Variants in LRRC42 observed in about 807,000 individuals in gnomAD.
LRRC42 encodes leucine rich repeat containing 42.
Under a neutral mutation model 44.3 loss-of-function variants are expected in LRRC42, and 43 were observed. That is an observed-to-expected ratio of 0.97 (90% CI 0.76 to 1.25). The LOEUF (loss-of-function observed/expected upper bound fraction) is 1.25. Among genes scored for constraint, LRRC42 ranks in the 50% most tolerant of loss-of-function variants. LRRC42 has a pLI of 0.00. For missense variants in LRRC42, 540 were observed against 509.1 expected, an observed-to-expected ratio of 1.06 and a Z score of -0.58; for synonymous variants, 207 against 195.2, an observed-to-expected ratio of 1.06 and a Z score of -0.50.
At chr1:53,959,435 A>T (rs1043141853) in intron 4 of LRRC42, among the ~76,000 whole-genome samples, 3 of 152,182 alleles carry the variant, frequency 2.0e-5, no homozygotes, top group Non-Finnish European at 4.4e-5. Flanking sequence ...ACAGCATTAC[A>T]AACCTAGGTC....
chr1:53,949,295 A>G (rs928353940), intron 2 of LRRC42, among the ~76,000 whole-genome samples: 2 of 152,048 alleles, frequency 1.3e-5, no homozygotes, highest in African/African-American at 4.8e-5. Context: ...CCATTTGTCC[A>G]TTTTACAACA....
rs114437540 is a variant in LRRC42, at chr1:53,950,728, T to C, written c.-14-1258T>C. ...ATTTTTCATGTATTTTGAAATCTCA[T>C]GGTTACTCAGGAGGAAAACAAGTAT... On this transcript the variant is annotated intron_variant, in intron 2 of 8. Coordinates refer to ENST00000371370, the MANE Select transcript of LRRC42 (RefSeq NM_001256409.2). Among the ~76,000 whole-genome samples the C allele has an allele frequency of 9.3e-3, 1,422 of 152,336 alleles. 29 individuals are homozygous for C. The highest frequency in any genetic ancestry group is 0.033 in the African/African-American group (1,356 of 41,560).
In LRRC42 at chr1:53,967,780, A is replaced by G. The variant is rs1655167642; in HGVS notation, c.1128A>G (p.Pro376=). The change falls in exon 9 of 9, where the codon CCA becomes CCG. Residue 376 remains proline (P), a synonymous_variant. Coordinates refer to ENST00000371370, the MANE Select transcript of LRRC42 (RefSeq NM_001256409.2). ...AGAAAGCCCCAGATTGCCATGGGCCAGTGTTGAAACACGAAGCTATCTCAA... is the reference window on the plus strand; with the variant it reads ...AGAAAGCCCCAGATTGCCATGGGCCGGTGTTGAAACACGAAGCTATCTCAA... ...YKEKAPDCHG[P]VLKHEAISSQ... 5 of 1,614,240 alleles carry G rather than the reference A, an allele frequency of 3.1e-6. No individual in the cohort carries two copies. The highest frequency in any genetic ancestry group is 3.4e-6 in the Non-Finnish European group (4 of 1,180,038).
intron 3 of LRRC42, among the ~76,000 whole-genome samples, chr1:53,957,373 C>A (rs1472653904): frequency 6.6e-6 from 1 of 152,150 alleles, no homozygotes; most frequent in African/African-American, 2.4e-5. Context: ...TTTTTTCTCA[C>A]TGACCTCATC....
Position 53,950,923 on chromosome 1 carries a change from A to T in LRRC42, c.-14-1063A>T, listed in dbSNP as rs536012050. 1.0e-3 allele frequency among the ~76,000 whole-genome samples: 155 copies of T among 152,240 alleles called. 1 individual carries two copies. Among genetic ancestry groups the T allele is most frequent in the African/African-American group, 3.6e-3 (151 of 41,542 alleles). ...GTAATGGAGGTATTTATTTGTAGAT[A>T]AAAAAAATCCTGTTGCTTTTGGTCT... On this transcript the variant is annotated intron_variant, in intron 2 of 8. Transcript: ENST00000371370.
intron 3 of LRRC42, among the ~76,000 whole-genome samples, chr1:53,956,552 G>T (rs1404217796): frequency 6.6e-6 from 1 of 152,222 alleles, no homozygotes; most frequent in Non-Finnish European, 1.5e-5. Context: ...TAATTGGGCT[G>T]TTAGAATCCA....
intron 4 of LRRC42, among the ~76,000 whole-genome samples, chr1:53,958,765 T>C (rs1294122219): frequency 3.3e-5 from 5 of 152,100 alleles, no homozygotes; most frequent in Non-Finnish European, 2.9e-5. Context: ...TTTGTATTTT[T>C]AGTAGAGACG....
intron 7 of LRRC42, among the ~76,000 whole-genome samples, chr1:53,964,540 G>A (rs1049876032): frequency 6.6e-6 from 1 of 152,150 alleles, no homozygotes; most frequent in Non-Finnish European, 1.5e-5. Context: ...TTAGCGGAAG[G>A]AAGCACCATT....
chr1:53,955,907 C>T (rs942241483), intron 3 of LRRC42, among the ~76,000 whole-genome samples: 2 of 152,162 alleles, frequency 1.3e-5, no homozygotes, highest in South Asian at 2.1e-4. Flanking sequence ...GGATTACAGG[C>T]GTGAGCCACC....
chr1:53,952,356 C>T lies in LRRC42; in HGVS notation c.357C>T (p.Phe119=), dbSNP rs377697931. Residue 119 remains phenylalanine (F), a synonymous_variant, in exon 3 of 9, where the codon TTC becomes TTT. Transcript: ENST00000371370. ...CTGAGCAGATTGCTGAAAAGCTGTT[C>T]TCTGCTGCTGAAGCCAGACAGAAAT... ...GFPEQIAEKL[F]SAAEARQKFT... 5 of 1,614,016 alleles carry T rather than the reference C, an allele frequency of 3.1e-6. No homozygotes were observed. Among genetic ancestry groups the T allele is most frequent in the Admixed American group, 1.7e-5 (1 of 60,004 alleles).
At chr1:53,965,520 C>G (rs1303182357) in intron 7 of LRRC42, among the ~76,000 whole-genome samples, 1 of 150,498 alleles carries the variant, frequency 6.6e-6, no homozygotes, top group African/African-American at 2.5e-5. Flanking sequence ...CGCTCTGTCA[C>G]CTAGGCTGGA....
At chr1:53,947,056 G>T (rs1654506283) in intron 1 of LRRC42, among the ~76,000 whole-genome samples, 1 of 151,400 alleles carries the variant, frequency 6.6e-6, no homozygotes, top group Non-Finnish European at 1.5e-5. Flanking sequence ...CTAGGAGAGG[G>T]AAGCCCCTAG....
chr1:53,958,021 A>G (rs1317376286), intron 3 of LRRC42, 128 bp from the exon 4 acceptor site: 3 of 1,102,504 alleles, frequency 2.7e-6, no homozygotes, highest in Non-Finnish European at 3.6e-6. Flanking sequence ...GTAATTAGTG[A>G]AGTCTGCTTA....
chr1:53,956,577 C>CCA (rs1654847481), intron 3 of LRRC42, among the ~76,000 whole-genome samples: 1 of 152,182 alleles, frequency 6.6e-6, no homozygotes, highest in Non-Finnish European at 1.5e-5. Flanking sequence ...CAGGTCTGGT[C>CCA]TGTGCTCTTT....
chr1:53,950,609 G>A (rs1654649421), intron 2 of LRRC42, among the ~76,000 whole-genome samples: 1 of 152,206 alleles, frequency 6.6e-6, no homozygotes, highest in Non-Finnish European at 1.5e-5. Context: ...GATTATTTTA[G>A]GGATATTATC....
chr1:53,961,096 C>T (rs894670360), intron 5 of LRRC42, among the ~76,000 whole-genome samples: 3 of 152,098 alleles, frequency 2.0e-5, no homozygotes, highest in Non-Finnish European at 4.4e-5. Context: ...TGGTTTTGGC[C>T]TTTGTAAAAT....
chr1:53,964,279 T>C (rs1313898376), intron 7 of LRRC42, among the ~76,000 whole-genome samples: 1 of 152,130 alleles, frequency 6.6e-6, no homozygotes, highest in Admixed American at 6.5e-5. Flanking sequence ...CTCCTCTGGC[T>C]ATGACTGATT....
intron 1 of LRRC42, among the ~76,000 whole-genome samples, chr1:53,947,362 T>C (rs1262631698): frequency 1.3e-5 from 2 of 150,690 alleles, no homozygotes; most frequent in Non-Finnish European, 3.0e-5. Context: ...TGGAGGGAAG[T>C]AGGGAGCCTG....
intron 8 of LRRC42, 144 bp downstream of exon 8, chr1:53,966,524 C>A: frequency 1.6e-6 from 1 of 615,766 alleles, no homozygotes; most frequent in South Asian, 2.0e-5. Context: ...CTTAGCATAG[C>A]TTACAGTATA....
Sources: gnomAD v4.1 joint callset for allele counts (sites outside exome capture counted in the v4.1 genomes callset) on GRCh38, gnomAD v4.1.1 for gene constraint, MANE v1.5 for transcripts, NCBI Gene and HGNC (gene_info 2026-07-23, HGNC 2026-07-21) for gene names.